AGAP1: variants seen among roughly 807,000 people sequenced by gnomAD.
AGAP1 encodes the protein ArfGAP with GTPase domain, ankyrin repeat and PH domain 1.
Under a neutral mutation model 105.3 loss-of-function variants are expected in AGAP1, and 29 were observed. The observed-to-expected ratio is 0.28, with a 90% CI of 0.21 to 0.38. The LOEUF (loss-of-function observed/expected upper bound fraction) is 0.38, where lower values mean the gene tolerates loss of function less well. Among genes scored for constraint, AGAP1 ranks in the 10% least tolerant of loss-of-function variants. The pLI is 1.00. For missense variants in AGAP1, 998 were observed against 1,165.1 expected (o/e 0.86, Z 2.09); for synonymous variants, 509 against 485.9 (o/e 1.05, Z -0.63).
chr2:235,981,020 C>T lies in AGAP1; in HGVS notation c.1645+12397C>T, dbSNP rs780686938. Among the ~76,000 whole-genome samples the T allele has an allele frequency of 1.3e-5, 2 of 152,112 alleles. No homozygotes were observed. The highest frequency in any genetic ancestry group is 2.9e-5 in the Non-Finnish European group (2 of 68,018). ...GCTCTTAATTCTGATTCTTGTCTTA[C>T]GGATTGTCTTAGAATGATTAGGAAA... On this transcript the variant is annotated intron_variant, in intron 13 of 17. Coordinates refer to ENST00000304032, the MANE Select transcript of AGAP1 (RefSeq NM_001037131.3). This position sits in a 1 kb window ranked among gnomAD's most constrained non-coding sequence, Gnocchi z 5.5.
chr2:235,865,495 C>A lies in AGAP1; in HGVS notation c.1051-17850C>A, dbSNP rs2049122636. ...AGTGTAACCCTTTGTGCCCTGCAACCTGGCACAACGACAGAAATATTACTC... is the reference window on the plus strand; with the variant it reads ...AGTGTAACCCTTTGTGCCCTGCAACATGGCACAACGACAGAAATATTACTC... On this transcript the variant is annotated intron_variant, in intron 9 of 17. Transcript: ENST00000304032. This position sits in a 1 kb window ranked among gnomAD's most constrained non-coding sequence, Gnocchi z 6.2. 6.6e-6 allele frequency among the ~76,000 whole-genome samples: 1 copy of A among 152,200 alleles called. No individual in the cohort carries two copies. Among genetic ancestry groups the A allele is most frequent in the African/African-American group, 2.4e-5 (1 of 41,446 alleles).
chr2:235,952,995 C>T (rs1379624295), intron 12 of AGAP1, among the ~76,000 whole-genome samples: 3 of 152,178 alleles, frequency 2.0e-5, no homozygotes, highest in Non-Finnish European at 4.4e-5. Context: ...GCGGAAGGAC[C>T]CATACAGCCT....
intron 11 of AGAP1, among the ~76,000 whole-genome samples, chr2:235,910,573 C>G (rs1055593703): frequency 6.6e-6 from 1 of 152,166 alleles, no homozygotes; most frequent in African/African-American, 2.4e-5. Context: ...GAGTAAAATG[C>G]TGAAGGCTTT....
At position 235,865,679 on chromosome 2, in the gene AGAP1, G is replaced by T. The variant is rs1226460823; in HGVS notation, c.1051-17666G>T. Among the ~76,000 whole-genome samples, 2 of 152,128 alleles carry T rather than the reference G, an allele frequency of 1.3e-5. No individual in the cohort carries two copies. The highest frequency in any genetic ancestry group is 2.9e-5 in the Non-Finnish European group (2 of 68,020). On this transcript the variant is annotated intron_variant, in intron 9 of 17. Transcript: ENST00000304032. This position sits in a 1 kb window ranked among gnomAD's most constrained non-coding sequence, Gnocchi z 6.2. ...GTGCTCTGGAGGAGGGGCAGGGCGG[G>T]AAATATTACTATTTTAAAAAGCTCA...
chr2:235,587,542 A>C (rs1945155971), intron 1 of AGAP1, among the ~76,000 whole-genome samples: 1 of 151,988 alleles, frequency 6.6e-6, no homozygotes. Flanking sequence ...ACTTGAGGTC[A>C]GGAGTTTGCA....
rs1353849822 is a variant in AGAP1 at position 235,586,598 on chromosome 2, G to A, written c.163+91749G>A. ...GACCTGAAGGCCCTTGCAGGCTGAG[G>A]TCTCTTGGTGATAATCCACACACTG... On this transcript the variant is annotated intron_variant, in intron 1 of 17. Coordinates refer to ENST00000304032, the MANE Select transcript of AGAP1 (RefSeq NM_001037131.3). This position sits in a 1 kb window ranked among gnomAD's most constrained non-coding sequence, Gnocchi z 4.2. 1.3e-5 allele frequency among the ~76,000 whole-genome samples: 2 copies of A among 152,206 alleles called. No homozygotes were observed. The highest frequency in any genetic ancestry group is 4.8e-5 in the African/African-American group (2 of 41,454).
rs1297722327 is a variant in AGAP1 at position 236,082,424 on chromosome 2, G to A, written c.2114+33143G>A. On this transcript the variant is annotated intron_variant, in intron 16 of 17. Coordinates refer to ENST00000304032, the MANE Select transcript of AGAP1 (RefSeq NM_001037131.3). The surrounding 1 kb of genome is among the most constrained non-coding windows in gnomAD (Gnocchi z 4.2). ...GCATGTGGTGGGAGCTCACCCACCA[G>A]GTCCTGCTACGGGGCCGCTGCCCAT... 6.6e-6 allele frequency among the ~76,000 whole-genome samples: 1 copy of A among 152,206 alleles called. No individual in the cohort carries two copies. Among genetic ancestry groups the A allele is most frequent in the Non-Finnish European group, 1.5e-5 (1 of 68,032 alleles).
intron 1 of AGAP1, among the ~76,000 whole-genome samples, chr2:235,630,641 G>C (rs1006398285): frequency 6.6e-6 from 1 of 152,238 alleles, no homozygotes; most frequent in Non-Finnish European, 1.5e-5. Flanking sequence ...GAAAGAATTA[G>C]GGGGTTAGTT....
At position 235,729,885 on chromosome 2, in the gene AGAP1, A is replaced by G. The variant is rs1951848158; in HGVS notation, c.311-11078A>G. Among the ~76,000 whole-genome samples the G allele has an allele frequency of 6.6e-6, 1 of 152,170 alleles. No homozygotes were observed. ...TTTAAAGGGTTGTAAACATAAAAAC[A>G]AAGAAGGATACAACATGCAAGGCCT... On this transcript the variant is annotated intron_variant, in intron 3 of 17. Coordinates refer to ENST00000304032, the MANE Select transcript of AGAP1 (RefSeq NM_001037131.3). The surrounding 1 kb of genome is among the most constrained non-coding windows in gnomAD (Gnocchi z 5.0).
In AGAP1 at chr2:235,582,283, C is replaced by T. The variant is rs1402908780; in HGVS notation, c.163+87434C>T. On this transcript the variant is annotated intron_variant, in intron 1 of 17. Transcript: ENST00000304032. This position sits in a 1 kb window ranked among gnomAD's most constrained non-coding sequence, Gnocchi z 4.7. ...TGTGCTGAGTCTTTCTACCCCGCTG[C>T]GTGGTGCTGCCTGCCGAGGTGGTGT... is the stretch of plus-strand genomic sequence containing the variant. 5.3e-5 allele frequency among the ~76,000 whole-genome samples: 8 copies of T among 152,236 alleles called. No individual in the cohort carries two copies. In the South Asian group the frequency reaches 1.5e-3, roughly 28 times the overall value.
At chr2:235,718,621 A>G (rs142768437) in intron 3 of AGAP1, among the ~76,000 whole-genome samples, 1 of 152,316 alleles carries the variant, frequency 6.6e-6, no homozygotes, top group East Asian at 1.9e-4. Flanking sequence ...CTGTCCTAGC[A>G]TTTAACTCTT....
At chr2:235,853,871 A>G (rs151178865) in intron 9 of AGAP1, among the ~76,000 whole-genome samples, 8 of 152,110 alleles carry the variant, frequency 5.3e-5, no homozygotes, top group African/African-American at 1.7e-4. Flanking sequence ...CTTGGGAAGT[A>G]CTGTTACTAG....
In AGAP1 at chr2:235,930,163, C is replaced by T. The variant is rs1644916986; in HGVS notation, c.1325-602C>T. On this transcript the variant is annotated intron_variant, in intron 11 of 17. Transcript: ENST00000304032. The surrounding 1 kb of genome is among the most constrained non-coding windows in gnomAD (Gnocchi z 7.9). ...CATTTTTCATCACAGCCCCTGTGCTCTATGAAGTCACGCAGGTTGTTTTTC... is the reference window on the plus strand; with the variant it reads ...CATTTTTCATCACAGCCCCTGTGCTTTATGAAGTCACGCAGGTTGTTTTTC... Among the ~76,000 whole-genome samples, 1 of 152,104 alleles carries T rather than the reference C, an allele frequency of 6.6e-6. No homozygotes were observed. The highest frequency in any genetic ancestry group is 2.4e-5 in the African/African-American group (1 of 41,454).
chr2:235,995,548 TAAAG>T (rs2055773707), intron 13 of AGAP1, among the ~76,000 whole-genome samples: 2 of 152,046 alleles, frequency 1.3e-5, no homozygotes, highest in South Asian at 2.1e-4. Context: ...AAATTCTACT[TAAAG>T]AAGAAAGACC....
intron 16 of AGAP1, among the ~76,000 whole-genome samples, chr2:236,079,557 CA>C (rs1437331907): frequency 6.6e-6 from 1 of 150,646 alleles, no homozygotes; most frequent in African/African-American, 2.4e-5. Context: ...TATATATACA[CA>C]CACACACACA....
chr2:235,825,697 T>G (rs1032883900), intron 9 of AGAP1, among the ~76,000 whole-genome samples: 12 of 152,186 alleles, frequency 7.9e-5, no homozygotes, highest in Admixed American at 2.0e-4. Context: ...ATCAAATATG[T>G]TTGCATGTTG....
At position 235,867,956 on chromosome 2, in the gene AGAP1, A is replaced by G. The variant is rs2049261066; in HGVS notation, c.1051-15389A>G. Among the ~76,000 whole-genome samples, 1 of 152,106 alleles carries G rather than the reference A, an allele frequency of 6.6e-6. No homozygotes were observed. Among genetic ancestry groups the G allele is most frequent in the Non-Finnish European group, 1.5e-5 (1 of 68,030 alleles). ...AGCCACAGTTTTAATACATGTTTAT[A>G]GGGGGAAAAATCTTAATTAGAATAA... On this transcript the variant is annotated intron_variant, in intron 9 of 17. Coordinates refer to ENST00000304032, the MANE Select transcript of AGAP1 (RefSeq NM_001037131.3). This position sits in a 1 kb window ranked among gnomAD's most constrained non-coding sequence, Gnocchi z 5.4.
Position 236,040,633 on chromosome 2 carries a change from A to T in AGAP1, c.1801-118A>T. The T allele has an allele frequency of 1.2e-6, 1 of 800,668 alleles. No individual in the cohort carries two copies. The highest frequency in any genetic ancestry group is 3.1e-5 in the East Asian group (1 of 31,808). The allele number at this position is 800,668 out of a possible 1,614,324, so 49.6% of individuals were successfully genotyped here. On this transcript the variant is annotated intron_variant, in intron 14 of 17. Coordinates refer to ENST00000304032, the MANE Select transcript of AGAP1 (RefSeq NM_001037131.3). This position sits in a 1 kb window ranked among gnomAD's most constrained non-coding sequence, Gnocchi z 5.6. ...CATCAAAACAAGAGTGATTGTTTAG[A>T]AATTACCCTCGTCCTACATTTGCTC...
rs1950264577 is a variant in AGAP1 at position 235,701,613 on chromosome 2, T to G, written c.164-7566T>G. Reference sequence around the variant, plus strand: ...CCCAGGGTTTATGTTTTATTTCATTTATTATAGGGATTCAAGGATTTCCAA... The same window carrying G: ...CCCAGGGTTTATGTTTTATTTCATTGATTATAGGGATTCAAGGATTTCCAA... On this transcript the variant is annotated intron_variant, in intron 1 of 17. Coordinates refer to ENST00000304032, the MANE Select transcript of AGAP1 (RefSeq NM_001037131.3). This position sits in a 1 kb window ranked among gnomAD's most constrained non-coding sequence, Gnocchi z 4.1. Among the ~76,000 whole-genome samples, 1 of 152,218 alleles carries G rather than the reference T, an allele frequency of 6.6e-6. No individual in the cohort carries two copies. Among genetic ancestry groups the G allele is most frequent in the East Asian group, 1.9e-4 (1 of 5,194 alleles).
Sources: allele counts gnomAD v4.1 joint callset (sites outside exome capture counted in the v4.1 genomes callset), GRCh38; gene constraint gnomAD v4.1.1; non-coding constraint Gnocchi (gnomAD v3.1); transcripts MANE v1.5; gene names NCBI Gene and HGNC (gene_info 2026-07-23, HGNC 2026-07-21).